Variants in GRID1 observed in about 807,000 individuals in gnomAD.
GRID1 encodes glutamate receptor ionotropic, delta-1.
Under a neutral mutation model 98.0 loss-of-function variants are expected in GRID1, and 28 were observed. That is an observed-to-expected ratio of 0.29 (90% confidence interval 0.21 to 0.39). The LOEUF is 0.39. Among genes scored for constraint, GRID1 ranks in the 10% least tolerant of loss-of-function variants. GRID1 has a pLI of 1.00. For missense variants in GRID1, 1,111 were observed against 1,340.5 expected (o/e 0.83, Z 2.67); for synonymous variants, 553 against 538.5 (o/e 1.03, Z -0.37).
chr10:85,897,412 A>G (rs907446026), intron 5 of GRID1, among the ~76,000 whole-genome samples: 3 of 152,194 alleles, frequency 2.0e-5, no homozygotes, highest in African/African-American at 7.2e-5. Context: ...GAGCCAGGAA[A>G]CCTCCAGGGA....
At chr10:86,171,727 GCCTTTTAATTCCA>G (rs1009394309) in intron 3 of GRID1, among the ~76,000 whole-genome samples, 2 of 152,318 alleles carry the variant, frequency 1.3e-5, no homozygotes, top group African/African-American at 4.8e-5. Context: ...CCATTTAGAA[GCCTTTTAATTCCA>G]GACCAGTATG....
intron 4 of GRID1, among the ~76,000 whole-genome samples, chr10:85,945,486 T>C (rs1842043711): frequency 6.6e-6 from 1 of 152,192 alleles, no homozygotes; most frequent in South Asian, 2.1e-4. Flanking sequence ...CAGATTTCCA[T>C]ATGTCCAAAC....
chr10:85,839,798 A>G (rs960354900), intron 8 of GRID1, among the ~76,000 whole-genome samples: 2 of 152,212 alleles, frequency 1.3e-5, no homozygotes, highest in African/African-American at 4.8e-5. Context: ...AAAACCATTC[A>G]AAAGATCAAT....
intron 4 of GRID1, among the ~76,000 whole-genome samples, chr10:85,982,732 G>A (rs1842561315): frequency 6.6e-6 from 1 of 152,194 alleles, no homozygotes; most frequent in Non-Finnish European, 1.5e-5. Flanking sequence ...CACAGCACCT[G>A]ACTCATATCA....
intron 12 of GRID1, among the ~76,000 whole-genome samples, chr10:85,711,074 CA>C (rs1183151250): frequency 3.3e-5 from 5 of 151,898 alleles, no homozygotes; most frequent in South Asian, 2.1e-4. Context: ...GGTTATTCTT[CA>C]AAAAAATTAA....
intron 3 of GRID1, among the ~76,000 whole-genome samples, chr10:86,158,398 C>T (rs1044959212): frequency 1.3e-5 from 2 of 152,234 alleles, no homozygotes; most frequent in Non-Finnish European, 2.9e-5. Context: ...CGATGACCAT[C>T]ATCAGAAATT....
chr10:86,097,277 G>A (rs888193184), intron 4 of GRID1, among the ~76,000 whole-genome samples: 1 of 152,204 alleles, frequency 6.6e-6, no homozygotes, highest in Non-Finnish European at 1.5e-5. Context: ...ATAGATAGAT[G>A]AGAGAGGATT....
At chr10:85,872,220 A>G (rs556482368) in intron 5 of GRID1, among the ~76,000 whole-genome samples, 1 of 152,290 alleles carries the variant, frequency 6.6e-6, no homozygotes, top group South Asian at 2.1e-4. Context: ...AGCAATGAGT[A>G]GGTTAGTTAG....
intron 13 of GRID1, among the ~76,000 whole-genome samples, chr10:85,634,170 G>GAA (rs199625656): frequency 9.1e-6 from 1 of 110,242 alleles, no homozygotes; most frequent in Non-Finnish European, 1.9e-5. Flanking sequence ...AACTCCATCT[G>GAA]AAAAAAAAAA....
intron 3 of GRID1, among the ~76,000 whole-genome samples, chr10:86,139,639 T>C (rs1415358629): frequency 6.6e-6 from 1 of 152,218 alleles, no homozygotes; most frequent in Non-Finnish European, 1.5e-5. Context: ...TCCTCCTGCC[T>C]GTTTCCAGCT....
chr10:86,135,606 G>A (rs1477156374), intron 4 of GRID1, among the ~76,000 whole-genome samples: 1 of 152,106 alleles, frequency 6.6e-6, no homozygotes, highest in African/African-American at 2.4e-5. Flanking sequence ...GGGTCTCTAG[G>A]TGGGGCCTGA....
chr10:86,129,239 G>T (rs538733708), intron 4 of GRID1, among the ~76,000 whole-genome samples: 85 of 152,288 alleles, frequency 5.6e-4, no homozygotes, highest in African/African-American at 1.9e-3. Flanking sequence ...ATTCAGAGGT[G>T]TCCAGTCCCC....
intron 2 of GRID1, among the ~76,000 whole-genome samples, chr10:86,238,373 C>T (rs996050526): frequency 1.3e-5 from 2 of 152,100 alleles, no homozygotes; most frequent in Non-Finnish European, 2.9e-5. Context: ...GCTAAAAGGG[C>T]CAAGGTGGCC....
At chr10:85,951,353 T>C (rs1359059927) in intron 4 of GRID1, among the ~76,000 whole-genome samples, 1 of 152,170 alleles carries the variant, frequency 6.6e-6, no homozygotes, top group African/African-American at 2.4e-5. Flanking sequence ...GTTCTAAGCA[T>C]GCACCCTCAG....
chr10:86,172,042 C>G (rs769176022), intron 3 of GRID1, among the ~76,000 whole-genome samples: 1 of 151,248 alleles, frequency 6.6e-6, no homozygotes, highest in East Asian at 1.9e-4. Flanking sequence ...CTTAAGTGTA[C>G]AATTGAATGG....
chr10:85,893,853 A>C (rs929602865), intron 5 of GRID1, among the ~76,000 whole-genome samples: 2 of 152,236 alleles, frequency 1.3e-5, no homozygotes, highest in Non-Finnish European at 2.9e-5. Flanking sequence ...GTTAATTCTA[A>C]AATGCGTATG....
chr10:85,836,601 A>T (rs1026249430), intron 8 of GRID1, among the ~76,000 whole-genome samples: 1 of 150,456 alleles, frequency 6.6e-6, no homozygotes, highest in East Asian at 2.4e-4. Flanking sequence ...GTGGTGGGGC[A>T]GCAGCCAGCT....
chr10:86,173,316 G>C (rs1163245246), intron 3 of GRID1, among the ~76,000 whole-genome samples: 1 of 152,214 alleles, frequency 6.6e-6, no homozygotes, highest in Non-Finnish European at 1.5e-5. Flanking sequence ...TGGGATGACA[G>C]GCATAAGCCA....
At chr10:86,058,015 TC>T (rs1406249978) in intron 4 of GRID1, among the ~76,000 whole-genome samples, 2 of 152,144 alleles carry the variant, frequency 1.3e-5, no homozygotes, top group Admixed American at 6.5e-5. Flanking sequence ...AGGTTAGGTG[TC>T]CCCAGAAGCA....
Sources: gnomAD v4.1 joint callset for allele counts (sites outside exome capture counted in the v4.1 genomes callset) on GRCh38, gnomAD v4.1.1 for gene constraint, MANE v1.5 for transcripts, NCBI Gene and HGNC (gene_info 2026-07-23, HGNC 2026-07-21) for gene names.